Variants in LYST observed in about 807,000 individuals in gnomAD.
The protein encoded by LYST is lysosomal trafficking regulator.
Under a neutral mutation model 413.6 loss-of-function variants are expected in LYST, and 192 were observed. That is an observed-to-expected ratio of 0.46 (90% CI 0.41 to 0.52). The LOEUF (loss-of-function observed/expected upper bound fraction) is 0.52, where lower values mean the gene tolerates loss of function less well. Among genes scored for constraint, LYST ranks in the 20% least tolerant of loss-of-function variants. LYST has a pLI of 0.00. For synonymous variants in LYST, 1,525 were observed against 1,567.3 expected (o/e 0.97, Z 0.64); for missense variants, 3,815 against 4,499.9 (o/e 0.85, Z 4.35).
At chr1:235,714,456 T>A (rs993262044) in intron 42 of LYST, among the ~76,000 whole-genome samples, 1 of 152,154 alleles carries the variant, frequency 6.6e-6, no homozygotes, top group Admixed American at 6.5e-5. Flanking sequence ...TATAGACCAA[T>A]AAGAGTGAAT....
intron 1 of LYST, among the ~76,000 whole-genome samples, chr1:235,877,272 A>G (rs1026071544): frequency 6.6e-5 from 10 of 152,230 alleles, no homozygotes; most frequent in African/African-American, 2.4e-4. Flanking sequence ...CACTCACTCT[A>G]CCAGGTGTTT....
chr1:235,804,175 A>G (rs538358754), intron 7 of LYST, among the ~76,000 whole-genome samples: 33 of 152,234 alleles, frequency 2.2e-4, no homozygotes, highest in Non-Finnish European at 4.1e-4. Flanking sequence ...TCCCTGAATT[A>G]GCATTTAATA....
At chr1:235,737,956 CGTG>C in intron 31 of LYST, 3 of 1,267,908 alleles carry the variant, frequency 2.4e-6, no homozygotes, top group East Asian at 3.2e-5. Flanking sequence ...ACCCGCCGGA[CGTG>C]CATTCTCGAT....
At chr1:235,693,626 A>C in intron 46 of LYST, 140 bp from the exon 47 acceptor site, 1 of 879,796 alleles carries the variant, frequency 1.1e-6, no homozygotes, top group Non-Finnish European at 1.8e-6. Flanking sequence ...AATCTCTAAA[A>C]TGGAACAATT....
chr1:235,765,466 A>G (rs1668045444), intron 21 of LYST, among the ~76,000 whole-genome samples: 2 of 152,236 alleles, frequency 1.3e-5, no homozygotes, highest in South Asian at 4.1e-4. Flanking sequence ...TAACTAGAAT[A>G]CAAGTTCGAA....
intron 1 of LYST, among the ~76,000 whole-genome samples, chr1:235,877,217 A>G (rs890413715): frequency 6.6e-6 from 1 of 152,200 alleles, no homozygotes; most frequent in Non-Finnish European, 1.5e-5. Flanking sequence ...CTGTCCCGCT[A>G]TCAAGAGGGG....
chr1:235,834,360 T>C (rs1326965082), intron 1 of LYST, among the ~76,000 whole-genome samples: 5 of 152,110 alleles, frequency 3.3e-5, no homozygotes, highest in Admixed American at 3.3e-4. Flanking sequence ...CATGAAGATA[T>C]TTTGAATTAT....
chr1:235,855,587 G>A (rs540378345), intron 1 of LYST, among the ~76,000 whole-genome samples: 7 of 152,040 alleles, frequency 4.6e-5, no homozygotes, highest in East Asian at 1.9e-4. Flanking sequence ...TACCTCCTGA[G>A]GAATGCTAAA....
intron 42 of LYST, among the ~76,000 whole-genome samples, chr1:235,714,333 CAA>C (rs1491283679): frequency 6.6e-6 from 1 of 152,010 alleles, no homozygotes; most frequent in African/African-American, 2.4e-5. Flanking sequence ...AGGGGAAAAA[CAA>C]GAGAGAGAGA....
chr1:235,773,310 T>A, intron 19 of LYST, among the ~76,000 whole-genome samples: 1 of 148,656 alleles, frequency 6.7e-6, no homozygotes, highest in African/African-American at 2.5e-5. Flanking sequence ...AGAGTAAAAC[T>A]CCATTTCAAA....
At chr1:235,881,842 G>A (rs1681388784) in intron 1 of LYST, among the ~76,000 whole-genome samples, 1 of 152,084 alleles carries the variant, frequency 6.6e-6, no homozygotes, top group African/African-American at 2.4e-5. Context: ...ACAGAATGGT[G>A]GTCGCCAGAA....
chr1:235,726,181 G>T (rs2103185232), intron 38 of LYST, among the ~76,000 whole-genome samples: 2 of 152,084 alleles, frequency 1.3e-5, no homozygotes, highest in East Asian at 3.9e-4. Context: ...CTAACAGGAA[G>T]CTCAGAGCAA....
intron 47 of LYST, among the ~76,000 whole-genome samples, chr1:235,693,113 A>C (rs547654503): frequency 7.2e-4 from 110 of 152,272 alleles, no homozygotes; most frequent in African/African-American, 2.3e-3. Flanking sequence ...CAGGAGATCG[A>C]GACCATCCTT....
intron 1 of LYST, among the ~76,000 whole-genome samples, chr1:235,838,031 T>C (rs1195524363): frequency 2.6e-5 from 4 of 152,122 alleles, no homozygotes; most frequent in East Asian, 3.8e-4. Flanking sequence ...GAAGGAACAG[T>C]GGCAGTTCAT....
chr1:235,720,587 AT>A, intron 40 of LYST, 73 bp downstream of exon 40: 1 of 1,480,672 alleles, frequency 6.8e-7, no homozygotes, highest in South Asian at 1.2e-5. Context: ...GAAATTTTTC[AT>A]AATGAAAACT....
chr1:235,690,371 A>C (rs1660553404), intron 47 of LYST, among the ~76,000 whole-genome samples: 1 of 152,246 alleles, frequency 6.6e-6, no homozygotes, highest in South Asian at 2.1e-4. Flanking sequence ...TTGTGTTTTC[A>C]TTTATTTTGT....
chr1:235,798,712 G>A (rs1031230304), intron 10 of LYST, among the ~76,000 whole-genome samples: 3 of 150,142 alleles, frequency 2.0e-5, no homozygotes, highest in African/African-American at 7.3e-5. Flanking sequence ...AATGAAGGTT[G>A]AAAGCATCAT....
At chr1:235,730,567 ATGTGTGTGTGTGTGTGTGTGTGTGTG>A (rs4006790) in intron 36 of LYST, among the ~76,000 whole-genome samples, 1 of 137,534 alleles carries the variant, frequency 7.3e-6, no homozygotes, top group Non-Finnish European at 1.6e-5. Flanking sequence ...ACATATTTAT[ATGTGTGTGTGTGTGTGTGTGTGTGTG>A]TGTGTGTGTG....
At chr1:235,700,997 T>C (rs141862163) in intron 45 of LYST, among the ~76,000 whole-genome samples, 1 of 152,242 alleles carries the variant, frequency 6.6e-6, no homozygotes, top group African/African-American at 2.4e-5. Flanking sequence ...GGAACAGCTG[T>C]TTTAGACATA....
Sources: gnomAD v4.1 joint callset for allele counts (sites outside exome capture counted in the v4.1 genomes callset) on GRCh38, gnomAD v4.1.1 for gene constraint, MANE v1.5 for transcripts, NCBI Gene and HGNC (gene_info 2026-07-23, HGNC 2026-07-21) for gene names.